Variants in ZNF610 observed in about 807,000 individuals in gnomAD.
ZNF610 encodes zinc finger protein 610.
A neutral mutation model predicts 14.1 loss-of-function variants in ZNF610; 14 were observed. The observed-to-expected ratio is 0.99, with a 90% CI of 0.65 to 1.55. ZNF610 has a LOEUF of 1.55. Ranked by LOEUF, ZNF610 falls within the 40% of genes most tolerant of loss-of-function variation. The probability of loss-of-function intolerance (pLI) is 0.00; values close to 1 mark genes in which losing one functional copy is unlikely to be tolerated. For synonymous variants in ZNF610, 185 were observed against 187.6 expected, an observed-to-expected ratio of 0.99 and a Z score of 0.11; for missense variants, 530 against 558.0, an observed-to-expected ratio of 0.95 and a Z score of 0.51.
chr19:52,350,064 G>T (rs991826129), intron 3 of ZNF610, among the ~76,000 whole-genome samples: 4 of 152,144 alleles, frequency 2.6e-5, no homozygotes, highest in African/African-American at 9.7e-5. Context: ...TGGTGTTCCT[G>T]CAGGGAGTCT....
intron 1 of ZNF610, among the ~76,000 whole-genome samples, chr19:52,337,443 CAA>C (rs964828663): frequency 1.1e-4 from 16 of 148,646 alleles, no homozygotes; most frequent in African/African-American, 3.7e-4. Flanking sequence ...AAATTGGACA[CAA>C]AGAGGAACAA....
intron 3 of ZNF610, among the ~76,000 whole-genome samples, chr19:52,349,773 G>T (rs1985159198): frequency 6.6e-6 from 1 of 152,060 alleles, no homozygotes; most frequent in Admixed American, 6.5e-5. Context: ...GCTTCACCAT[G>T]TTGGTCAGGC....
At chr19:52,331,239 A>G in the ZNF610 span, among the ~76,000 whole-genome samples, 4 of 152,320 alleles carry the variant, frequency 2.6e-5, no homozygotes, top group South Asian at 6.2e-4. Context: ...TAAAAATGGC[A>G]CTTCTCATTG....
At chr19:52,356,970 G>A (rs1471461220) in intron 5 of ZNF610, among the ~76,000 whole-genome samples, 2 of 152,134 alleles carry the variant, frequency 1.3e-5, no homozygotes, top group Non-Finnish European at 2.9e-5. Flanking sequence ...CTTGCTGGGG[G>A]CCCTTGAATT....
chr19:52,338,576 T>C (rs1227469296), intron 1 of ZNF610, among the ~76,000 whole-genome samples: 1 of 152,122 alleles, frequency 6.6e-6, no homozygotes, highest in African/African-American at 2.4e-5. Flanking sequence ...TCCCAGCTGC[T>C]TGGCTGAGAC....
intron 1 of ZNF610, among the ~76,000 whole-genome samples, chr19:52,338,090 C>G (rs1407121096): frequency 6.6e-6 from 1 of 152,236 alleles, no homozygotes; most frequent in Non-Finnish European, 1.5e-5. Flanking sequence ...CAATTTCACA[C>G]TAACACTATC....
At chr19:52,362,978 T>A (rs1192340045) in intron 5 of ZNF610, among the ~76,000 whole-genome samples, 1 of 152,090 alleles carries the variant, frequency 6.6e-6, no homozygotes, top group African/African-American at 2.4e-5. Context: ...TTTATTTATT[T>A]ATTTTTATTT....
intron 5 of ZNF610, among the ~76,000 whole-genome samples, chr19:52,355,152 T>C (rs879643899): frequency 1.3e-5 from 2 of 152,138 alleles, no homozygotes; most frequent in Admixed American, 6.5e-5. Context: ...ACAGGGAGCA[T>C]TGTTGCCAGG....
chr19:52,345,500 C>T (rs933083525), intron 1 of ZNF610: 3 of 150,624 alleles, frequency 2.0e-5, no homozygotes, highest in Admixed American at 6.6e-5. Context: ...GAGGAATGGA[C>T]GAATAAGTGG....
intron 1 of ZNF610, among the ~76,000 whole-genome samples, chr19:52,342,770 C>G (rs1039349050): frequency 1.1e-4 from 17 of 152,094 alleles, no homozygotes; most frequent in African/African-American, 4.1e-4. Flanking sequence ...CGTGATCCAT[C>G]CACCTTGGCC....
chr19:52,330,691 T>G, the ZNF610 span, among the ~76,000 whole-genome samples: 1 of 152,086 alleles, frequency 6.6e-6, no homozygotes, highest in South Asian at 2.1e-4. Flanking sequence ...GTCTGAGCCA[T>G]GAGGGACTCT....
upstream of ZNF610, among the ~76,000 whole-genome samples, chr19:52,334,936 A>ACACACAC (rs1984299564): frequency 2.6e-4 from 11 of 41,612 alleles, no homozygotes; most frequent in African/African-American, 1.1e-3. Context: ...CTCAAAAACA[A>ACACACAC]ACACACACAC....
At chr19:52,348,310 A>G (rs1985062897) in intron 2 of ZNF610, 1 of 152,158 alleles carries the variant, frequency 6.6e-6, no homozygotes, top group East Asian at 1.9e-4. Flanking sequence ...GATTATTTTT[A>G]ATGGATTAAT....
At chr19:52,339,641 TTC>T (rs1984576484) in intron 1 of ZNF610, among the ~76,000 whole-genome samples, 3 of 152,056 alleles carry the variant, frequency 2.0e-5, no homozygotes, top group Admixed American at 2.0e-4. Context: ...GCAGAAGAAT[TTC>T]TCTTAGTACA....
chr19:52,340,350 T>G (rs1042704770), intron 1 of ZNF610, among the ~76,000 whole-genome samples: 6 of 152,268 alleles, frequency 3.9e-5, no homozygotes, highest in Middle Eastern at 3.4e-3. Flanking sequence ...GCCACTGCAC[T>G]CCAGCCTGGG....
intron 3 of ZNF610, among the ~76,000 whole-genome samples, chr19:52,353,076 T>C: frequency 6.6e-6 from 1 of 152,056 alleles, no homozygotes; most frequent in Non-Finnish European, 1.5e-5. Flanking sequence ...GTAGCTGGGA[T>C]TACAGGCGCC....
In ZNF610 at chr19:52,367,114, T is replaced by TC. The variant is rs1388625386; in HGVS notation, c.*347_*348insC. 1.5e-5 allele frequency: 1 copy of TC among 67,540 alleles called. No homozygotes were observed. The highest frequency in any genetic ancestry group is 8.2e-4 in the South Asian group (1 of 1,216). 4.2% of individuals were successfully genotyped at this position (67,540 alleles called of 1,614,324 possible). ...ATGTTTTAAGTAATAAAGTTTAAAG[T>TC]TTTTTTTTAGTTTTTTCTTTTTTTT... On this transcript the variant is annotated 3_prime_UTR_variant, in exon 6 of 6. Coordinates refer to ENST00000403906, the MANE Select transcript of ZNF610 (RefSeq NM_001161425.2).
intron 1 of ZNF610, among the ~76,000 whole-genome samples, chr19:52,336,892 C>G (rs1203638882): frequency 2.0e-5 from 3 of 152,278 alleles, no homozygotes; most frequent in Middle Eastern, 3.4e-3. Context: ...TAAAAATGTG[C>G]TCTTGGCGGA....
At chr19:52,350,106 G>A (rs1375541530) in intron 3 of ZNF610, among the ~76,000 whole-genome samples, 1 of 152,140 alleles carries the variant, frequency 6.6e-6, no homozygotes, top group Non-Finnish European at 1.5e-5. Flanking sequence ...GAAAAAAGCT[G>A]TAATTTTGCA....
Sources: gnomAD v4.1 joint callset for allele counts (sites outside exome capture counted in the v4.1 genomes callset) on GRCh38, gnomAD v4.1.1 for gene constraint, MANE v1.5 for transcripts, NCBI Gene and HGNC (gene_info 2026-07-23, HGNC 2026-07-21) for gene names.